Variants in HSP90B1 observed in about 807,000 individuals in gnomAD.
HSP90B1 encodes the protein heat shock protein 90 beta family member 1, also known as endoplasmin.
Under a neutral mutation model 100.4 loss-of-function variants are expected in HSP90B1, and 27 were observed. The observed-to-expected ratio is 0.27, with a 90% CI of 0.20 to 0.37. The LOEUF (loss-of-function observed/expected upper bound fraction) is 0.37, where lower values mean the gene tolerates loss of function less well. Among genes scored for constraint, HSP90B1 ranks in the 10% least tolerant of loss-of-function variants. The pLI is 1.00. For synonymous variants in HSP90B1, 304 were observed against 330.8 expected (o/e 0.92, Z 0.88); for missense variants, 678 against 960.5 (o/e 0.71, Z 3.89).
chr12:103,933,893 C>T, intron 4 of HSP90B1, 63 bp from the exon 5 acceptor site: 1 of 1,343,186 alleles, frequency 7.4e-7, no homozygotes, highest in Non-Finnish European at 1.0e-6. Flanking sequence ...GTTAGTTCCT[C>T]AATATTTGTT....
intron 1 of HSP90B1, among the ~76,000 whole-genome samples, chr12:103,931,252 G>C (rs972131324): frequency 5.9e-5 from 9 of 152,138 alleles, no homozygotes; most frequent in African/African-American, 1.9e-4. Flanking sequence ...GTATCAGTCT[G>C]CTTAACGTTA....
intron 10 of HSP90B1, 54 bp downstream of exon 10, chr12:103,941,760 TAG>T: frequency 6.2e-7 from 1 of 1,601,096 alleles, no homozygotes; most frequent in Non-Finnish European, 8.6e-7. Context: ...TCTGGCAGTG[TAG>T]AGTGTTTGTT....
intron 8 of HSP90B1, 49 bp downstream of exon 8, chr12:103,939,674 A>G (rs1352460472): frequency 1.2e-6 from 1 of 821,890 alleles, no homozygotes; most frequent in Non-Finnish European, 1.9e-6. Flanking sequence ...AATAGACAAA[A>G]TATCACCCTC....
At chr12:103,939,667 AG>A in intron 8 of HSP90B1, 42 bp downstream of exon 8, 1 of 888,176 alleles carries the variant, frequency 1.1e-6, no homozygotes, top group Non-Finnish European at 1.8e-6. Flanking sequence ...ATTAATGAAT[AG>A]ACAAAATATC....
At chr12:103,941,272 C>T in intron 8 of HSP90B1, 138 bp from the exon 9 acceptor site, 1 of 723,696 alleles carries the variant, frequency 1.4e-6, no homozygotes, top group African/African-American at 1.8e-5. Flanking sequence ...TCTTTCTCTT[C>T]CCCACCTCCC....
chr12:103,943,333 T>G lies in HSP90B1; in HGVS notation c.1890+14T>G. On this transcript the variant is annotated intron_variant, in intron 13 of 17. Coordinates refer to ENST00000299767, the MANE Select transcript of HSP90B1 (RefSeq NM_003299.3). The surrounding 1 kb of genome is among the most constrained non-coding windows in gnomAD (Gnocchi z 5.3). ...CTTAAGGACAAGGTACTGTGGAAATTACAAATTGTGGAAATATTAGTATCA... is the reference window on the plus strand; with the variant it reads ...CTTAAGGACAAGGTACTGTGGAAATGACAAATTGTGGAAATATTAGTATCA... The G allele has an allele frequency of 1.2e-6, 2 of 1,610,552 alleles. No individual in the cohort carries two copies. The highest frequency in any genetic ancestry group is 1.7e-6 in the Non-Finnish European group (2 of 1,178,128).
chr12:103,932,160 G>C, intron 2 of HSP90B1, 117 bp from the exon 3 acceptor site: 1 of 735,318 alleles, frequency 1.4e-6, no homozygotes, highest in Non-Finnish European at 2.2e-6. Context: ...TTTTATAAAG[G>C]TTTCCATTTT....
At chr12:103,940,449 G>A (rs1396957594) in intron 8 of HSP90B1, among the ~76,000 whole-genome samples, 2 of 152,008 alleles carry the variant, frequency 1.3e-5, no homozygotes, top group Non-Finnish European at 2.9e-5. Flanking sequence ...TTTAGTACAA[G>A]CAGTAGAATG....
intron 1 of HSP90B1, 94 bp from the exon 2 acceptor site, chr12:103,931,427 A>G (rs2136211983): frequency 2.5e-6 from 2 of 812,906 alleles, no homozygotes; most frequent in South Asian, 1.5e-5. Flanking sequence ...TCCCTTAGTT[A>G]CCAACTGAAT....
Position 103,943,411 on chromosome 12 carries a change from T to C in HSP90B1, c.1890+92T>C. 2 of 1,233,754 alleles carry C rather than the reference T, an allele frequency of 1.6e-6. No homozygotes were observed. Among genetic ancestry groups the C allele is most frequent in the East Asian group, 4.7e-5 (2 of 42,630 alleles). 76.4% of individuals were successfully genotyped at this position (1,233,754 alleles called of 1,614,324 possible). The stretch of plus-strand genomic sequence containing the variant: ...CAAATTAAGCTGCAGCTGGTTACTT[T>C]GTAACCATTAGAATGGTAAAAATTT... On this transcript the variant is annotated intron_variant, in intron 13 of 17. Transcript: ENST00000299767. The surrounding 1 kb of genome is among the most constrained non-coding windows in gnomAD (Gnocchi z 5.3).
chr12:103,947,661 A>G lies in HSP90B1; in HGVS notation c.2411A>G (p.Ter804=). 3 of 1,593,496 alleles carry G rather than the reference A, an allele frequency of 1.9e-6. No homozygotes were observed. The highest frequency in any genetic ancestry group is 2.6e-6 in the Non-Finnish European group (3 of 1,163,390). The stretch of plus-strand genomic sequence containing the variant: ...TCTACAGCTGAAAAAGATGAATTGT[A>G]AATTATACTCTCACCATTTGGATCC... ...KESTAEKDEL[*] is the part of the protein sequence containing the mutation. Residue 804 remains the stop codon, a stop_retained_variant, in exon 18 of 18, where the codon TAA becomes TGA. Coordinates refer to ENST00000299767, the MANE Select transcript of HSP90B1 (RefSeq NM_003299.3).
At chr12:103,935,655 C>A (rs3794241) in intron 5 of HSP90B1, among the ~76,000 whole-genome samples, 1 of 152,116 alleles carries the variant, frequency 6.6e-6, no homozygotes, top group South Asian at 2.1e-4. Flanking sequence ...CCCCTGCCTT[C>A]GTCACTAACA....
At chr12:103,939,054 C>T (rs574663086) in intron 7 of HSP90B1, among the ~76,000 whole-genome samples, 2 of 150,688 alleles carry the variant, frequency 1.3e-5, no homozygotes, top group South Asian at 4.2e-4. Context: ...GCTTTTGATA[C>T]AGTTGGCAGA....
rs1869705734 is a variant in HSP90B1, at chr12:103,930,434, G to A, written c.-82G>A. 3 of 1,329,356 alleles carry A rather than the reference G, an allele frequency of 2.3e-6. No individual in the cohort carries two copies. The highest frequency in any genetic ancestry group is 3.1e-6 in the Non-Finnish European group (3 of 969,592). 82.3% of individuals were successfully genotyped at this position (1,329,356 alleles called of 1,614,324 possible). A position where few individuals can be genotyped will look rare whatever the true frequency, so the allele number is the denominator to read the frequency against. On this transcript the variant is annotated 5_prime_UTR_variant, in exon 1 of 18. In the 5' UTR this introduces an upstream ATG that the reference lacks. Transcript: ENST00000299767. The surrounding 1 kb of genome is among the most constrained non-coding windows in gnomAD (Gnocchi z 4.4). ...TAGTGGGCGGACCGCGCGGCTGGAG[G>A]TGTGAGGATCCGAACCCAGGGGTGG...
Position 103,938,366 on chromosome 12 carries a change from G to GGAA in HSP90B1, c.890_892dup (p.Glu297dup). ...CTGAAACTGTTGAGGAGCCCATGGA[G>GGAA]GAAGAAGAAGCAGCCAAAGAAGAGA... On this transcript the variant is annotated inframe_insertion, in exon 7 of 18. Coordinates refer to ENST00000299767, the MANE Select transcript of HSP90B1 (RefSeq NM_003299.3). 6.4e-7 allele frequency: 1 copy of GGAA among 1,562,664 alleles called. No homozygotes were observed. Among genetic ancestry groups the GGAA allele is most frequent in the Non-Finnish European group, 8.7e-7 (1 of 1,149,488 alleles).
At chr12:103,947,182 T>G in intron 16 of HSP90B1, 129 bp from the exon 17 acceptor site, 1 of 1,297,736 alleles carries the variant, frequency 7.7e-7, no homozygotes, top group Non-Finnish European at 1.1e-6. Flanking sequence ...GGCTGTTCAT[T>G]CTAGTTAAGA....
intron 11 of HSP90B1, 137 bp from the exon 12 acceptor site, chr12:103,942,390 C>T (rs1439266595): frequency 1.3e-6 from 1 of 748,248 alleles, no homozygotes; most frequent in Non-Finnish European, 2.2e-6. Flanking sequence ...AATTGGAGTG[C>T]TTCACCATTT....
At chr12:103,944,351 C>T (rs1305756164) in intron 14 of HSP90B1, among the ~76,000 whole-genome samples, 1 of 152,078 alleles carries the variant, frequency 6.6e-6, no homozygotes, top group Admixed American at 6.5e-5. Flanking sequence ...TATTTGAACT[C>T]AAGGGCCTAT....
chr12:103,936,645 G>C (rs1869925807), intron 5 of HSP90B1, among the ~76,000 whole-genome samples: 1 of 135,510 alleles, frequency 7.4e-6, no homozygotes, highest in Admixed American at 7.6e-5. Context: ...AAAAAAAAAA[G>C]TGTCCCAATA....
Sources: gnomAD v4.1 joint callset for allele counts (sites outside exome capture counted in the v4.1 genomes callset) on GRCh38, gnomAD v4.1.1 for gene constraint, Gnocchi (gnomAD v3.1) non-coding constraint, MANE v1.5 for transcripts, NCBI Gene and HGNC (gene_info 2026-07-23, HGNC 2026-07-21) for gene names.